Variants in DISP1 observed in about 807,000 individuals in gnomAD.
The protein encoded by DISP1 is dispatched RND transporter family member 1, also known as protein dispatched homolog 1.
Under a neutral mutation model 37.3 loss-of-function variants are expected in DISP1, and 30 were observed. That is an observed-to-expected ratio of 0.80 (90% CI 0.60 to 1.09). DISP1 has a LOEUF of 1.09. Among genes scored for constraint, DISP1 ranks in the 50% least tolerant of loss-of-function variants. The pLI, the probability that DISP1 is intolerant of heterozygous loss-of-function variation, is 0.00. For missense variants in DISP1, 1,598 were observed against 1,879.5 expected, an observed-to-expected ratio of 0.85 and a Z score of 2.77; for synonymous variants, 634 against 690.2, an observed-to-expected ratio of 0.92 and a Z score of 1.28.
At chr1:222,951,712 C>T (rs1675235159) in intron 3 of DISP1, among the ~76,000 whole-genome samples, 1 of 152,154 alleles carries the variant, frequency 6.6e-6, no homozygotes. Context: ...TTGATGAGTA[C>T]TTAGTAAGTG....
At chr1:222,874,663 AT>A (rs1024648758) in intron 1 of DISP1, among the ~76,000 whole-genome samples, 2 of 151,356 alleles carry the variant, frequency 1.3e-5, no homozygotes, top group East Asian at 1.9e-4. Flanking sequence ...CATTCGTCTA[AT>A]TTTTTTTCAA....
chr1:222,840,254 G>GT (rs1257227317), intron 1 of DISP1, among the ~76,000 whole-genome samples: 1 of 151,804 alleles, frequency 6.6e-6, no homozygotes, highest in Non-Finnish European at 1.5e-5. Flanking sequence ...TGGTTTTTTT[G>GT]TTTTTTAGAC....
chr1:222,916,879 G>A (rs2125433114), intron 1 of DISP1, among the ~76,000 whole-genome samples: 2 of 152,266 alleles, frequency 1.3e-5, no homozygotes, highest in South Asian at 4.1e-4. Flanking sequence ...GATCAACTCA[G>A]TATACCATTG....
At chr1:222,972,362 C>T (rs1376996211) in intron 3 of DISP1, among the ~76,000 whole-genome samples, 1 of 152,088 alleles carries the variant, frequency 6.6e-6, no homozygotes, top group Non-Finnish European at 1.5e-5. Flanking sequence ...AACCTGCTCT[C>T]CTTCCCTTTA....
At position 222,829,521 on chromosome 1, in the gene DISP1, T is replaced by G. The variant is rs147642921; in HGVS notation, c.-159+14443T>G. On this transcript the variant is annotated intron_variant, in intron 1 of 8. Transcript: ENST00000675850. ...GTGCAGTGGCACGATCTCGGCTCAC[T>G]GCAACCTCTGCCTTCCCAGGTTCTA... 3.4e-3 allele frequency among the ~76,000 whole-genome samples: 514 copies of G among 152,124 alleles called. 2 individuals carry two copies. Among genetic ancestry groups the G allele is most frequent in the Admixed American group, 0.02 (311 of 15,282 alleles).
intron 1 of DISP1, among the ~76,000 whole-genome samples, chr1:222,896,147 CA>C (rs1299737349): frequency 5.9e-5 from 9 of 151,578 alleles, no homozygotes; most frequent in African/African-American, 2.2e-4. Flanking sequence ...ACCGTCTCTA[CA>C]AATGAAAAAA....
rs137885183 is a variant in DISP1 at position 222,998,420 on chromosome 1, C to T, written c.987+3438C>T. Among the ~76,000 whole-genome samples the T allele has an allele frequency of 5.4e-3, 815 of 151,974 alleles. 7 individuals are homozygous for T. The highest frequency in any genetic ancestry group is 0.019 in the African/African-American group (779 of 41,456). ...ACCAGATGTTTCAATTGTCACCTGC[C>T]TGTGTTTACAGCACATTTAGTTCAA... On this transcript the variant is annotated intron_variant, in intron 8 of 8. Transcript: ENST00000675850.
chr1:222,894,959 T>C (rs1671162886), intron 1 of DISP1, among the ~76,000 whole-genome samples: 1 of 152,128 alleles, frequency 6.6e-6, no homozygotes, highest in Non-Finnish European at 1.5e-5. Flanking sequence ...ACCTAAGAGA[T>C]TGATTTGACC....
rs1280983494 is a variant in DISP1, at chr1:222,976,290, A to G, written c.510-6790A>G. ...GGTCGATATTAAAAGTAGCAAATCC[A>G]AAGGGTTTTACAAATGGAGGAAGAC... On this transcript the variant is annotated intron_variant, in intron 3 of 8. Coordinates refer to ENST00000675850, the MANE Select transcript of DISP1 (RefSeq NM_001377229.1). Among the ~76,000 whole-genome samples, 4 of 152,270 alleles carry G rather than the reference A, an allele frequency of 2.6e-5. No individual in the cohort carries two copies. The East Asian group carries it at 7.7e-4, about 29-fold the overall frequency.
chr1:222,943,488 G>A (rs369597952), intron 3 of DISP1, 156 bp downstream of exon 3: 100 of 983,618 alleles, frequency 1.0e-4, no homozygotes, highest in Middle Eastern at 2.1e-4. Flanking sequence ...CAACAAAAAC[G>A]CAAATAAAAT....
Position 223,004,836 on chromosome 1 carries a change from A to G in DISP1, c.3439A>G (p.Lys1147Glu). ...TACCTGTGGTCAGATTCCTTTACCT[A>G]AAAAACTACAGTGCAGTGCCTTTTC... ...QGTCGQIPLPKKLQCSAFSHA... is the reference protein window; with the variant it reads ...QGTCGQIPLPEKLQCSAFSHA... Residue 1147 changes from lysine (K) to glutamate (E), a missense_variant, in exon 9 of 9, where the codon AAA (lysine) becomes GAA (glutamate). By Grantham distance (56) the Lys-to-Glu change is moderately conservative. Transcript: ENST00000675850. This position sits in a 1 kb window ranked among gnomAD's most constrained non-coding sequence, Gnocchi z 4.9. The G allele has an allele frequency of 6.2e-7, 1 of 1,610,284 alleles. No homozygotes were observed. The highest frequency in any genetic ancestry group is 8.5e-7 in the Non-Finnish European group (1 of 1,179,968).
intron 1 of DISP1, among the ~76,000 whole-genome samples, chr1:222,901,018 G>A (rs1009022036): frequency 6.6e-6 from 1 of 152,196 alleles, no homozygotes; most frequent in African/African-American, 2.4e-5. Flanking sequence ...TTCTTGAGTA[G>A]ATGAGAGGAA....
At chr1:222,859,281 TGA>T (rs1268762291) in intron 1 of DISP1, among the ~76,000 whole-genome samples, 1 of 152,012 alleles carries the variant, frequency 6.6e-6, no homozygotes, top group Non-Finnish European at 1.5e-5. Flanking sequence ...AGCTGAACAA[TGA>T]GAACACACAG....
Position 222,824,592 on chromosome 1 carries a change from TTAAG to T in DISP1, c.-159+9517_-159+9520del, listed in dbSNP as rs568659098. 2.0e-3 allele frequency among the ~76,000 whole-genome samples: 299 copies of T among 152,334 alleles called. 3 individuals carry two copies. Among genetic ancestry groups the T allele is most frequent in the African/African-American group, 6.8e-3 (283 of 41,584 alleles). On this transcript the variant is annotated intron_variant, in intron 1 of 8. Transcript: ENST00000675850. Reference sequence around the variant, plus strand: ...TGTTTTATTTTCCATTTGTTCCACTTTAAGTATTTGTTAAATGTAATTCTTTTTT... The same window carrying T: ...TGTTTTATTTTCCATTTGTTCCACTTTATTTGTTAAATGTAATTCTTTTTT...
intron 1 of DISP1, among the ~76,000 whole-genome samples, chr1:222,820,169 G>T (rs1662462018): frequency 6.6e-6 from 1 of 152,094 alleles, no homozygotes; most frequent in Admixed American, 6.6e-5. Flanking sequence ...TGTAAGGAGG[G>T]TGATTTTGAG....
intron 1 of DISP1, among the ~76,000 whole-genome samples, chr1:222,908,566 T>G (rs1486828245): frequency 6.6e-6 from 1 of 152,096 alleles, no homozygotes; most frequent in Non-Finnish European, 1.5e-5. Context: ...CAGCTAATTT[T>G]TGTATTTTTA....
chr1:222,950,472 C>T (rs1675132446), intron 3 of DISP1, among the ~76,000 whole-genome samples: 1 of 151,984 alleles, frequency 6.6e-6, no homozygotes, highest in East Asian at 1.9e-4. Context: ...TGGTGGTGGG[C>T]ACCTGTAGTC....
chr1:222,922,341 A>G (rs1051923136), intron 1 of DISP1, among the ~76,000 whole-genome samples: 2 of 152,156 alleles, frequency 1.3e-5, no homozygotes, highest in Admixed American at 6.6e-5. Context: ...AGGAGACCAT[A>G]GATAGGGTCA....
chr1:222,825,575 A>G (rs1432869840), intron 1 of DISP1, among the ~76,000 whole-genome samples: 2 of 141,752 alleles, frequency 1.4e-5, no homozygotes, highest in African/African-American at 5.3e-5. Flanking sequence ...ATCTTGGCTC[A>G]CTGCAACCTC....
Sources: gnomAD v4.1 joint callset for allele counts (sites outside exome capture counted in the v4.1 genomes callset) on GRCh38, gnomAD v4.1.1 for gene constraint, Gnocchi (gnomAD v3.1) non-coding constraint, MANE v1.5 for transcripts, NCBI Gene and HGNC (gene_info 2026-07-23, HGNC 2026-07-21) for gene names.